STAU2: variants seen among roughly 807,000 people sequenced by gnomAD.
STAU2 encodes the protein double-stranded RNA-binding protein Staufen homolog 2.
STAU2 carries 20 observed loss-of-function variants against 65.9 expected under a neutral mutation model. That is an observed-to-expected ratio of 0.30 (90% CI 0.21 to 0.44). STAU2 has a LOEUF of 0.44. Among genes scored for constraint, STAU2 ranks in the 20% least tolerant of loss-of-function variants. STAU2 has a pLI of 1.00. For synonymous variants in STAU2, 232 were observed against 233.9 expected (o/e 0.99, Z 0.07); for missense variants, 558 against 683.9 (o/e 0.82, Z 2.05).
At chr8:73,564,736 T>C (rs1208305628) in intron 12 of STAU2, among the ~76,000 whole-genome samples, 2 of 152,332 alleles carry the variant, frequency 1.3e-5, no homozygotes, top group Non-Finnish European at 2.9e-5. Flanking sequence ...CATTTTGTTA[T>C]AATATTGATG....
intron 12 of STAU2, among the ~76,000 whole-genome samples, chr8:73,564,717 G>C (rs566745653): frequency 6.6e-6 from 1 of 152,008 alleles, no homozygotes; most frequent in East Asian, 1.9e-4. Flanking sequence ...ATGTTGTTTT[G>C]TTCAACATCA....
chr8:73,455,032 G>C (rs1292501998), intron 13 of STAU2, among the ~76,000 whole-genome samples: 2 of 152,156 alleles, frequency 1.3e-5, no homozygotes, highest in Non-Finnish European at 2.9e-5. Context: ...TTCAACTGGA[G>C]ATGGAAACAT....
intron 2 of STAU2, among the ~76,000 whole-genome samples, chr8:73,738,807 ATAAAT>A (rs1806626913): frequency 6.6e-6 from 1 of 152,228 alleles, no homozygotes; most frequent in Non-Finnish European, 1.5e-5. Context: ...CTTCTATACG[ATAAAT>A]TAATCCTAAA....
chr8:73,725,006 A>G (rs1000103367), intron 3 of STAU2, among the ~76,000 whole-genome samples: 1 of 152,136 alleles, frequency 6.6e-6, no homozygotes, highest in Non-Finnish European at 1.5e-5. Flanking sequence ...TATGAAATAC[A>G]TTTTTGACTT....
chr8:73,523,421 A>T (rs921199560), intron 13 of STAU2, among the ~76,000 whole-genome samples: 3 of 152,058 alleles, frequency 2.0e-5, no homozygotes, highest in Non-Finnish European at 4.4e-5. Context: ...CTGTTTTTTT[A>T]ACATTAGGCT....
intron 13 of STAU2, among the ~76,000 whole-genome samples, chr8:73,466,441 G>A (rs1375290642): frequency 6.6e-6 from 1 of 152,192 alleles, no homozygotes; most frequent in Non-Finnish European, 1.5e-5. Context: ...TTTCTAGGCA[G>A]GATGAAAGAA....
chr8:73,542,635 GA>G (rs932058618), intron 13 of STAU2, among the ~76,000 whole-genome samples: 2 of 152,050 alleles, frequency 1.3e-5, no homozygotes, highest in Admixed American at 6.6e-5. Flanking sequence ...AATTATGGGG[GA>G]AAATCCCAAT....
intron 9 of STAU2, among the ~76,000 whole-genome samples, chr8:73,612,505 G>A (rs1020878568): frequency 7.2e-5 from 11 of 152,046 alleles, no homozygotes; most frequent in African/African-American, 2.7e-4. Flanking sequence ...AGTCCTCTTT[G>A]GAACCACTAT....
At chr8:73,441,294 C>T (rs1011159129) in intron 13 of STAU2, 1 of 152,166 alleles carries the variant, frequency 6.6e-6, no homozygotes, top group African/African-American at 2.4e-5. Context: ...AATCCCAGCA[C>T]TTTGGGAGGC....
chr8:73,645,865 C>G (rs1440980362), intron 6 of STAU2, among the ~76,000 whole-genome samples: 1 of 152,078 alleles, frequency 6.6e-6, no homozygotes, highest in African/African-American at 2.4e-5. Context: ...TGATAAGTCA[C>G]TCATTATCAC....
chr8:73,552,837 C>T (rs1807435805), intron 12 of STAU2, among the ~76,000 whole-genome samples: 1 of 152,188 alleles, frequency 6.6e-6, no homozygotes, highest in South Asian at 2.1e-4. Context: ...ACAACTCTAA[C>T]TCACGAACAC....
At chr8:73,746,937 T>G, upstream of STAU2, 3 of 892,790 alleles carry the variant, frequency 3.4e-6, no homozygotes, top group Non-Finnish European at 4.0e-6. Context: ...CGCCGCGCCC[T>G]CCCGCGCTCG....
intron 3 of STAU2, among the ~76,000 whole-genome samples, chr8:73,736,542 C>T (rs1806439418): frequency 6.6e-6 from 1 of 152,176 alleles, no homozygotes; most frequent in African/African-American, 2.4e-5. Context: ...AAGCCAAACC[C>T]AGGGGTGGGG....
At chr8:73,462,509 C>T (rs150977536) in intron 13 of STAU2, among the ~76,000 whole-genome samples, 385 of 152,204 alleles carry the variant, frequency 2.5e-3, no homozygotes, top group Non-Finnish European at 3.7e-3. Flanking sequence ...TGTTCTCCCA[C>T]CTCAGCCCTC....
At chr8:73,520,560 C>T (rs1035742256) in intron 13 of STAU2, among the ~76,000 whole-genome samples, 1 of 152,188 alleles carries the variant, frequency 6.6e-6, no homozygotes, top group Non-Finnish European at 1.5e-5. Flanking sequence ...GAAGTGATTA[C>T]TTCTCCTGCC....
intron 4 of STAU2, among the ~76,000 whole-genome samples, chr8:73,702,153 G>C (rs771484565): frequency 2.6e-5 from 4 of 152,020 alleles, no homozygotes; most frequent in Non-Finnish European, 5.9e-5. Context: ...AGAAAGAATG[G>C]ATAAGACCTA....
At chr8:73,627,282 A>G (rs1290973875) in intron 6 of STAU2, among the ~76,000 whole-genome samples, 1 of 145,406 alleles carries the variant, frequency 6.9e-6, no homozygotes, top group East Asian at 2.0e-4. Flanking sequence ...TCCCACATAG[A>G]AAACACTGGA....
chr8:73,680,449 T>C (rs780133057), intron 5 of STAU2, among the ~76,000 whole-genome samples: 1 of 152,128 alleles, frequency 6.6e-6, no homozygotes, highest in Non-Finnish European at 1.5e-5. Context: ...GATCATCCCG[T>C]GGGATAAAAG....
intron 6 of STAU2, among the ~76,000 whole-genome samples, chr8:73,658,124 G>A (rs572318146): frequency 1.4e-4 from 21 of 152,272 alleles, no homozygotes; most frequent in Admixed American, 1.2e-3. Context: ...AGCACTCTGA[G>A]AGGCTGAGGT....
Sources: allele counts gnomAD v4.1 joint callset (sites outside exome capture counted in the v4.1 genomes callset), GRCh38; gene constraint gnomAD v4.1.1; transcripts MANE v1.5; gene names NCBI Gene and HGNC (gene_info 2026-07-23, HGNC 2026-07-21).